Variants in MARK4 observed in about 807,000 individuals in gnomAD.
MARK4 encodes the protein MAP/microtubule affinity-regulating kinase 4.
MARK4 carries 19 observed loss-of-function variants against 81.5 expected under a neutral mutation model. The ratio of observed to expected loss-of-function variants is 0.23; its 90% CI spans 0.16 to 0.34. The LOEUF is 0.34. Among genes scored for constraint, MARK4 ranks in the 10% least tolerant of loss-of-function variants. The pLI is 1.00. For synonymous variants in MARK4, 436 were observed against 439.0 expected (o/e 0.99, Z 0.08); for missense variants, 772 against 1,058.8 (o/e 0.73, Z 3.76).
intron 8 of MARK4, among the ~76,000 whole-genome samples, chr19:45,275,740 A>T (rs1477080136): frequency 6.6e-6 from 1 of 152,234 alleles, no homozygotes. Context: ...TCCAGGCCTC[A>T]ACCTCCTCGT....
intron 13 of MARK4, 115 bp from the exon 14 acceptor site, chr19:45,294,234 T>C: frequency 2.2e-6 from 2 of 918,820 alleles, no homozygotes; most frequent in Non-Finnish European, 3.4e-6. Flanking sequence ...TCACCCTGGG[T>C]TCCCACATGA....
At position 45,278,672 on chromosome 19, in the gene MARK4, C is replaced by T. The variant is rs111284461; in HGVS notation, c.1006+57C>T. 1,208 of 1,286,424 alleles carry T rather than the reference C, an allele frequency of 9.4e-4. 14 individuals carry two copies. In the African/African-American group the frequency reaches 0.015, roughly 16 times the overall value. 79.7% of individuals were successfully genotyped at this position (1,286,424 alleles called of 1,614,324 possible). A position where few individuals can be genotyped will look rare whatever the true frequency, so the allele number is the denominator to read the frequency against. ...AGGATGGAGTGCAGTGGTGCAATCTCGGCTCACTGCAACCTCCGCCTCCCA... is the reference window on the plus strand; with the variant it reads ...AGGATGGAGTGCAGTGGTGCAATCTTGGCTCACTGCAACCTCCGCCTCCCA... On this transcript the variant is annotated intron_variant, in intron 10 of 16. Coordinates refer to ENST00000262891, the MANE Select transcript of MARK4 (RefSeq NM_001199867.2).
intron 8 of MARK4, among the ~76,000 whole-genome samples, chr19:45,274,858 G>A (rs888153190): frequency 1.3e-5 from 2 of 152,220 alleles, no homozygotes; most frequent in Admixed American, 1.3e-4. Flanking sequence ...GTGCAAAGGA[G>A]GCACACAGCT....
At chr19:45,264,629 A>G (rs766193296) in intron 4 of MARK4, 55 bp from the exon 5 acceptor site, 135 of 1,538,866 alleles carry the variant, frequency 8.8e-5, no homozygotes, top group Non-Finnish European at 1.2e-4. Flanking sequence ...TACTGAGGAC[A>G]GGTTAGGAGG....
chr19:45,289,317 G>A (rs545930672), intron 13 of MARK4, among the ~76,000 whole-genome samples: 204 of 145,904 alleles, frequency 1.4e-3, no homozygotes, highest in African/African-American at 4.9e-3. Context: ...AACCCAGGAG[G>A]CAGAGGTTGC....
In MARK4 at chr19:45,287,923, A is replaced by G. The variant is rs543150227; in HGVS notation, c.1494+259A>G. The G allele has an allele frequency of 5.5e-6, 3 of 542,080 alleles. No individual in the cohort carries two copies. In the Admixed American group the frequency reaches 9.3e-5, roughly 17 times the overall value. 33.6% of individuals were successfully genotyped at this position (542,080 alleles called of 1,614,324 possible). On this transcript the variant is annotated intron_variant, in intron 13 of 16. Transcript: ENST00000262891. ...GTACTCTTGGCAGAAAGGATTTAAT[A>G]CAGGAAATTAAGTGCTTTTAAAAAT...
intron 13 of MARK4, among the ~76,000 whole-genome samples, chr19:45,289,606 C>T (rs532651210): frequency 6.6e-6 from 1 of 151,516 alleles, no homozygotes; most frequent in East Asian, 2.0e-4. Context: ...CCCATTTCTA[C>T]TAAAAATACA....
In MARK4 at chr19:45,297,792, G is replaced by C; in HGVS notation, c.1715G>C (p.Gly572Ala). 2 of 1,567,548 alleles carry C rather than the reference G, an allele frequency of 1.3e-6. No individual in the cohort carries two copies. Residue 572 changes from glycine (G) to alanine (A), a missense_variant, in exon 15 of 17, where the codon GGC becomes GCC. Physicochemically the swap from Gly to Ala is moderately conservative, Grantham distance 60. Transcript: ENST00000262891. ...GSTIRSTFHG[G>A]QVRDRRAGGG... The stretch of plus-strand genomic sequence containing the variant: ...ACCATCCGCAGCACCTTCCATGGTG[G>C]CCAGGTCCGGGACCGGCGGGCAGGG...
At chr19:45,275,243 A>G (rs1439524144) in intron 8 of MARK4, among the ~76,000 whole-genome samples, 2 of 152,142 alleles carry the variant, frequency 1.3e-5, no homozygotes, top group African/African-American at 4.8e-5. Context: ...CCTGGACGAC[A>G]GAGCAAGACT....
chr19:45,299,434 G>A (rs1970936283), intron 15 of MARK4, among the ~76,000 whole-genome samples: 1 of 152,106 alleles, frequency 6.6e-6, no homozygotes, highest in South Asian at 2.1e-4. Flanking sequence ...AAAAAGGGCA[G>A]GCCTCACGAA....
At chr19:45,264,551 G>C in intron 4 of MARK4, 133 bp from the exon 5 acceptor site, 1 of 806,374 alleles carries the variant, frequency 1.2e-6, no homozygotes, top group South Asian at 1.6e-5. Flanking sequence ...GGAAAATCTT[G>C]CTGTCAGTAG....
intron 13 of MARK4, 53 bp downstream of exon 13, chr19:45,287,717 C>T (rs533960580): frequency 1.1e-4 from 173 of 1,554,544 alleles, no homozygotes; most frequent in Non-Finnish European, 1.5e-4. Flanking sequence ...GGGCCACATT[C>T]CTCAGGCCCT....
intron 8 of MARK4, among the ~76,000 whole-genome samples, chr19:45,272,861 C>A (rs949736388): frequency 1.1e-4 from 17 of 152,232 alleles, no homozygotes; most frequent in Admixed American, 1.1e-3. Flanking sequence ...GCACTCCAGC[C>A]TGGGCGACAG....
chr19:45,269,176 C>G (rs2079115345), intron 7 of MARK4, among the ~76,000 whole-genome samples: 3 of 152,048 alleles, frequency 2.0e-5, no homozygotes, highest in Admixed American at 2.0e-4. Context: ...GTCAGGAGTT[C>G]GAGACCAGCC....
rs762042850 is a variant in MARK4 at position 45,280,587 on chromosome 19, C to T, written c.1129C>T (p.Arg377Trp). The part of the protein sequence containing the change: ...LGRKTEEGGD[R>W]GAPGLALARV... The stretch of plus-strand genomic sequence containing the variant: ...CATCCTCTCGCAGGAGGGTGGGGAC[C>T]GGGGCGCCCCAGGGCTGGCCCTGGC... Residue 377 changes from arginine (R) to tryptophan (W), a missense_variant, in exon 12 of 17, where the codon CGG becomes TGG. By Grantham distance (101) the Arg-to-Trp change is moderately radical. Transcript: ENST00000262891. 10 of 1,594,160 alleles carry T rather than the reference C, an allele frequency of 6.3e-6. No individual in the cohort carries two copies. Among genetic ancestry groups the T allele is most frequent in the Middle Eastern group, 3.3e-4 (2 of 5,976 alleles).
At chr19:45,282,997 ATAAAT>A (rs1016856979) in intron 12 of MARK4, among the ~76,000 whole-genome samples, 2 of 152,126 alleles carry the variant, frequency 1.3e-5, no homozygotes, top group Non-Finnish European at 2.9e-5. Flanking sequence ...ATCTCAAAAA[ATAAAT>A]TAAAAAGTGC....
intron 13 of MARK4, among the ~76,000 whole-genome samples, chr19:45,293,162 G>T (rs11083768): frequency 1.3e-5 from 2 of 151,828 alleles, no homozygotes; most frequent in Non-Finnish European, 2.9e-5. Flanking sequence ...CCAGCTACTC[G>T]GGAGACTAAG....
At position 45,302,958 on chromosome 19, in the gene MARK4, C is replaced by G. The variant is rs1417235019; in HGVS notation, c.*248C>G. ...CCAGCCAGTCCTGTCCTCCCTCGCC[C>G]TACCAAGAGGGCACCTGAGGAGACT... On this transcript the variant is annotated 3_prime_UTR_variant, in exon 17 of 17. Coordinates refer to ENST00000262891, the MANE Select transcript of MARK4 (RefSeq NM_001199867.2). This position sits in a 1 kb window ranked among gnomAD's most constrained non-coding sequence, Gnocchi z 4.9. The G allele has an allele frequency of 1.7e-6, 1 of 601,108 alleles. No individual in the cohort carries two copies. Among genetic ancestry groups the G allele is most frequent in the Non-Finnish European group, 2.8e-6 (1 of 353,156 alleles). The allele number at this position is 601,108 out of a possible 1,614,324, so 37.2% of individuals were successfully genotyped here.
At chr19:45,275,764 G>A (rs540359879) in intron 8 of MARK4, among the ~76,000 whole-genome samples, 8 of 152,226 alleles carry the variant, frequency 5.3e-5, no homozygotes, top group Non-Finnish European at 1.0e-4. Context: ...GAAAGTGGGC[G>A]TTATAACCGG....
Sources: allele counts gnomAD v4.1 joint callset (sites outside exome capture counted in the v4.1 genomes callset), GRCh38; gene constraint gnomAD v4.1.1; non-coding constraint Gnocchi (gnomAD v3.1); transcripts MANE v1.5; gene names NCBI Gene and HGNC (gene_info 2026-07-23, HGNC 2026-07-21).